KDM6A: variants seen among roughly 807,000 people sequenced by gnomAD.
KDM6A encodes the protein lysine demethylase 6A, also known as lysine-specific demethylase 6A.
A neutral mutation model predicts 117.6 loss-of-function variants in KDM6A; 11 were observed. The observed-to-expected ratio is 0.09, with a 90% CI of 0.06 to 0.15. KDM6A has a LOEUF of 0.15. Ranked by LOEUF, KDM6A falls within the 10% of genes least tolerant of loss-of-function variation. KDM6A has a pLI of 1.00. For missense variants in KDM6A, 799 were observed against 1,077.3 expected (o/e 0.74, Z 3.62); for synonymous variants, 384 against 396.1 (o/e 0.97, Z 0.36).
At chrX:44,963,483 G>GTGTGTGTGTGTCTGTCTGTCTGTCTGTC (rs1481840859) in intron 3 of KDM6A, among the ~76,000 whole-genome samples, 1 of 40,882 alleles carries the variant, frequency 2.4e-5, no homozygotes, top group African/African-American at 7.6e-5. Flanking sequence ...GTGTGTGTGT[G>GTGTGTGTGTGTCTGTCTGTCTGTCTGTC]TGTCTGTCTG....
chrX:45,076,558 T>G, intron 18 of KDM6A, 139 bp from the exon 19 acceptor site: 1 of 465,300 alleles, frequency 2.1e-6, no homozygotes. Flanking sequence ...GTGTTTTTCC[T>G]GATGGATCCA....
In KDM6A at chrX:45,082,359, A is replaced by G. The variant is rs1244073877; in HGVS notation, c.3301-217A>G. On this transcript the variant is annotated intron_variant, in intron 21 of 29. Coordinates refer to ENST00000611820, the MANE Select transcript of KDM6A (RefSeq NM_001291415.2). Reference sequence around the variant, plus strand: ...TGAGGCAGGAGAATCGTTTGAGCCCAGGAGGCAGAGGTTGCAGTGAGCCGG... The same window carrying G: ...TGAGGCAGGAGAATCGTTTGAGCCCGGGAGGCAGAGGTTGCAGTGAGCCGG... The G allele has an allele frequency of 1.5e-5, 6 of 400,604 alleles. No homozygotes were observed. In the East Asian group the frequency reaches 2.1e-4, roughly 14 times the overall value. 33.0% of individuals were successfully genotyped at this position (400,604 alleles called of 1,213,427 possible). A position where few individuals can be genotyped will look rare whatever the true frequency, so the allele number is the denominator to read the frequency against.
intron 2 of KDM6A, among the ~76,000 whole-genome samples, chrX:44,924,695 G>GTC (rs2036203496): frequency 3.9e-5 from 4 of 102,377 alleles, no homozygotes; most frequent in African/African-American, 1.1e-4. Flanking sequence ...GTGTGTCTAT[G>GTC]TATTTATTTA....
intron 2 of KDM6A, among the ~76,000 whole-genome samples, chrX:44,961,043 G>C (rs1413059829): frequency 2.7e-5 from 3 of 111,776 alleles, no homozygotes. Flanking sequence ...TATTTGGCAA[G>C]TATTGTTTCC....
At position 44,901,364 on chromosome X, in the gene KDM6A, ATATAT is replaced by A. The variant is rs201208675; in HGVS notation, c.225+27378_225+27382del. ...GAGTGAGACTCCATCTCAAAAAAAT[ATATAT>A]ATATATATACGGGGACTTGTTTTAG... On this transcript the variant is annotated intron_variant, in intron 2 of 29. Coordinates refer to ENST00000611820, the MANE Select transcript of KDM6A (RefSeq NM_001291415.2). 6.6e-3 allele frequency among the ~76,000 whole-genome samples: 726 copies of A among 109,401 alleles called. 5 individuals are homozygous for A. The highest frequency in any genetic ancestry group is 0.023 in the African/African-American group (696 of 29,875).
chrX:45,042,352 CAG>C (rs1157756935), intron 8 of KDM6A, among the ~76,000 whole-genome samples: 2 of 99,480 alleles, frequency 2.0e-5, no homozygotes, highest in Admixed American at 2.1e-4. Context: ...TTAAACAAAA[CAG>C]AATAAACTCA....
intron 8 of KDM6A, among the ~76,000 whole-genome samples, chrX:45,038,588 A>G (rs977459647): frequency 1.0e-5 from 1 of 99,423 alleles, no homozygotes; most frequent in African/African-American, 4.0e-5. Flanking sequence ...AAAGTATAAC[A>G]CATTTGGGGG....
At chrX:45,103,581 C>A (rs1338977921) in intron 27 of KDM6A, among the ~76,000 whole-genome samples, 1 of 112,134 alleles carries the variant, frequency 8.9e-6, no homozygotes, top group African/African-American at 3.2e-5. Context: ...AATTTGTCTA[C>A]ATATTATTTT....
At chrX:44,921,928 C>CCCAGTTT (rs1242235375) in intron 2 of KDM6A, among the ~76,000 whole-genome samples, 1 of 106,366 alleles carries the variant, frequency 9.4e-6, no homozygotes, top group Non-Finnish European at 1.9e-5. Flanking sequence ...GTATGAGTGA[C>CCCAGTTT]CCAGTTTCCT....
intron 2 of KDM6A, among the ~76,000 whole-genome samples, chrX:44,884,315 C>T (rs1438814275): frequency 9.1e-6 from 1 of 109,508 alleles, no homozygotes; most frequent in African/African-American, 3.3e-5. Context: ...AGTGACATGA[C>T]CAGAAGTAGG....
chrX:45,078,849 A>G (rs749332465), intron 20 of KDM6A, among the ~76,000 whole-genome samples: 3 of 110,862 alleles, frequency 2.7e-5, no homozygotes, highest in South Asian at 3.8e-4. Flanking sequence ...AATAAATACT[A>G]TAGCCCCATA....
chrX:45,040,477 G>A (rs1297361781), intron 8 of KDM6A, among the ~76,000 whole-genome samples: 2 of 82,803 alleles, frequency 2.4e-5, no homozygotes, highest in African/African-American at 4.6e-5. Context: ...CCCGGATGGG[G>A]CGGCTGGCCA....
At chrX:44,984,209 C>A (rs1253220486) in intron 4 of KDM6A, among the ~76,000 whole-genome samples, 1 of 110,430 alleles carries the variant, frequency 9.1e-6, no homozygotes, top group African/African-American at 3.4e-5. Flanking sequence ...TAAATGTCTT[C>A]TTTTGAGAAG....
intron 4 of KDM6A, among the ~76,000 whole-genome samples, chrX:44,984,370 A>G (rs1343640512): frequency 8.1e-5 from 9 of 110,803 alleles, no homozygotes; most frequent in Admixed American, 7.6e-4. Flanking sequence ...TTGCCTGTTC[A>G]CTCTGATGGT....
In KDM6A at chrX:44,922,027, CCTTTTT is replaced by C. The variant is rs1423868978; in HGVS notation, c.226-39256_226-39251del. Among the ~76,000 whole-genome samples the C allele has an allele frequency of 6.7e-3, 253 of 37,705 alleles. 75 individuals are homozygous for C. Among genetic ancestry groups the C allele is most frequent in the African/African-American group, 0.03 (229 of 7,519 alleles). 32.7% of individuals were successfully genotyped at this position (37,705 alleles called of 115,157 possible). On this transcript the variant is annotated intron_variant, in intron 2 of 29. Coordinates refer to ENST00000611820, the MANE Select transcript of KDM6A (RefSeq NM_001291415.2). The stretch of plus-strand genomic sequence containing the variant: ...ATGCTGATAAAATTCATTGTGTGTG[CCTTTTT>C]TTTTTTTTTTTTTTTTTTTTTTTTT...
At chrX:44,946,900 G>GT (rs1162359963) in intron 2 of KDM6A, among the ~76,000 whole-genome samples, 2 of 111,138 alleles carry the variant, frequency 1.8e-5, no homozygotes, top group Admixed American at 9.6e-5. Context: ...CTTGATTTCT[G>GT]TATCTTTATT....
chrX:44,919,114 GCACT>G (rs1375635043), intron 2 of KDM6A, among the ~76,000 whole-genome samples: 1 of 111,667 alleles, frequency 9.0e-6, no homozygotes, highest in African/African-American at 3.3e-5. Context: ...GAGCATTCCT[GCACT>G]CAGTTTACCT....
chrX:44,991,130 G>A (rs2040556824), intron 4 of KDM6A, among the ~76,000 whole-genome samples: 1 of 111,166 alleles, frequency 9.0e-6, no homozygotes, highest in Admixed American at 9.6e-5. Context: ...TTTGTTTATG[G>A]TCACATATAC....
At chrX:44,880,664 C>T (rs747860821) in intron 2 of KDM6A, among the ~76,000 whole-genome samples, 20 of 109,113 alleles carry the variant, frequency 1.8e-4, no homozygotes, top group Admixed American at 1.8e-3. Flanking sequence ...TGGTGGTGGG[C>T]GCCTGTAATC....
Sources: allele counts gnomAD v4.1 joint callset (sites outside exome capture counted in the v4.1 genomes callset), GRCh38; gene constraint gnomAD v4.1.1; transcripts MANE v1.5; gene names NCBI Gene and HGNC (gene_info 2026-07-23, HGNC 2026-07-21).